Variants in KCNG1 observed in about 807,000 individuals in gnomAD.
KCNG1 encodes potassium voltage-gated channel modifier subfamily G member 1, also known as voltage-gated potassium channel regulatory subunit KCNG1.
In KCNG1, 17 loss-of-function variants were observed where a neutral mutation model predicts 32.4. The ratio of observed to expected loss-of-function variants is 0.52; its 90% CI spans 0.36 to 0.79. The LOEUF (loss-of-function observed/expected upper bound fraction) is 0.79, where lower values mean the gene tolerates loss of function less well. KCNG1 is among the 30% of genes least tolerant of loss of function. The probability of loss-of-function intolerance (pLI) is 0.00; values close to 1 mark genes in which losing one functional copy is unlikely to be tolerated. For synonymous variants in KCNG1, 358 were observed against 339.9 expected (o/e 1.05, Z -0.59); for missense variants, 441 against 735.2 (o/e 0.60, Z 4.63).
In KCNG1 at chr20:51,010,263, G is replaced by A; in HGVS notation, c.76C>T (p.Pro26Ser). The change falls in exon 2 of 3, where the codon CCG becomes TCG. Residue 26 changes from proline to serine, a missense_variant. Physicochemically the swap from Pro to Ser is moderately conservative, Grantham distance 74. This residue lies in a region of KCNG1 where 85 missense variants were observed against 98.2 expected (regional missense o/e 0.87). Transcript: ENST00000371571. ...LSCTSDASFH[P>S]AFLPQRQAIK... ...GCCTGGCGCTGCGGGAGGAAGGCCG[G>A]GTGGAAGGAGGCGTCCGAGGTGCAG... is the stretch of plus-strand genomic sequence containing the variant. The A allele has an allele frequency of 6.5e-7, 1 of 1,530,382 alleles. No individual in the cohort carries two copies. Among genetic ancestry groups the A allele is most frequent in the Non-Finnish European group, 8.7e-7 (1 of 1,147,892 alleles). The allele number at this position is 1,530,382 out of a possible 1,614,324, so 94.8% of individuals were successfully genotyped here.
intron 2 of KCNG1, chr20:51,006,864 C>T (rs960472058): frequency 8.5e-5 from 13 of 152,404 alleles, no homozygotes; most frequent in Admixed American, 7.2e-4. Flanking sequence ...TGCGAACTCA[C>T]TGAATCCTTG....
chr20:51,009,740 G>A lies in KCNG1; in HGVS notation c.599C>T (p.Ala200Val). The A allele has an allele frequency of 6.2e-7, 1 of 1,607,690 alleles. No individual in the cohort carries two copies. Residue 200 changes from alanine (A) to valine (V), a missense_variant, in exon 2 of 3, where the codon GCC becomes GTC. Around this residue, in one of 6 missense-constraint regions of KCNG1, gnomAD observed 52 missense variants for 50.3 expected, o/e 1.03. Coordinates refer to ENST00000371571, the MANE Select transcript of KCNG1 (RefSeq NM_002237.4). The part of the protein sequence containing the change: ...DSEGRDSEGP[A>V]EGEGRLGRCM... ...GCGCCCCAGGCGGCCCTCGCCCTCG[G>A]CCGGGCCCTCGCTGTCGCGGCCCTC...
intron 1 of KCNG1, among the ~76,000 whole-genome samples, chr20:51,012,735 G>A (rs1988139225): frequency 6.6e-6 from 1 of 152,126 alleles, no homozygotes; most frequent in South Asian, 2.1e-4. Flanking sequence ...CCATATCCTT[G>A]GCTTCTTTTA....
chr20:51,018,670 T>C lies in KCNG1; in HGVS notation c.-27+4200A>G, dbSNP rs148961468. On this transcript the variant is annotated intron_variant, in intron 1 of 2. Coordinates refer to ENST00000371571, the MANE Select transcript of KCNG1 (RefSeq NM_002237.4). ...TGCTGTGCTAGGAGCCTTCATTGCC[T>C]GAGTCTCCATCCTTTCCTAAAAAGG... is the stretch of plus-strand genomic sequence containing the variant. Among the ~76,000 whole-genome samples the C allele has an allele frequency of 5.1e-3, 773 of 152,370 alleles. 3 individuals are homozygous for C. The highest frequency in any genetic ancestry group is 7.8e-3 in the Admixed American group (119 of 15,308).
rs1378572618 is a variant in KCNG1 at position 51,015,393 on chromosome 20, A to G, written c.-26-5029T>C. Among the ~76,000 whole-genome samples, 1 of 152,094 alleles carries G rather than the reference A, an allele frequency of 6.6e-6. No homozygotes were observed. The highest frequency in any genetic ancestry group is 1.5e-5 in the Non-Finnish European group (1 of 67,996). Reference sequence around the variant, plus strand: ...GAAGAAGCAGCTGGCAAAATCCAGGAGAGAGGGGGGAGATGGGTGTCTCCC... The same window carrying G: ...GAAGAAGCAGCTGGCAAAATCCAGGGGAGAGGGGGGAGATGGGTGTCTCCC... On this transcript the variant is annotated intron_variant, in intron 1 of 2. Coordinates refer to ENST00000371571, the MANE Select transcript of KCNG1 (RefSeq NM_002237.4). This position sits in a 1 kb window ranked among gnomAD's most constrained non-coding sequence, Gnocchi z 4.4.
At chr20:51,019,418 G>A (rs1988390844) in intron 1 of KCNG1, among the ~76,000 whole-genome samples, 1 of 152,114 alleles carries the variant, frequency 6.6e-6, no homozygotes. Context: ...GGCTGAGGTG[G>A]GAGGATCACT....
chr20:51,005,586 A>G lies in KCNG1; in HGVS notation c.775-780T>C, dbSNP rs1987797693. On this transcript the variant is annotated intron_variant, in intron 2 of 2. Transcript: ENST00000371571. The surrounding 1 kb of genome is among the most constrained non-coding windows in gnomAD (Gnocchi z 4.0). ...CAAATGTTGGTGATAATGTTGGTTA[A>G]ATAGATAAAATGTTGATTTAAGTCC... The G allele has an allele frequency of 6.6e-6, 1 of 152,246 alleles. No individual in the cohort carries two copies. 9.4% of individuals were successfully genotyped at this position (152,246 alleles called of 1,614,324 possible).
At chr20:51,021,099 T>C (rs1017135876) in intron 1 of KCNG1, among the ~76,000 whole-genome samples, 1 of 152,248 alleles carries the variant, frequency 6.6e-6, no homozygotes, top group African/African-American at 2.4e-5. Flanking sequence ...ACCCAGGCTG[T>C]AGGCTGCGGG....
intron 1 of KCNG1, among the ~76,000 whole-genome samples, chr20:51,022,349 T>C (rs568844203): frequency 2.6e-5 from 4 of 152,256 alleles, no homozygotes; most frequent in African/African-American, 9.6e-5. Context: ...GTGAACTGTC[T>C]CAGTATCCCC....
intron 2 of KCNG1, 198 bp downstream of exon 2, chr20:51,009,366 AG>A (rs1987964143): frequency 1.5e-6 from 1 of 671,438 alleles, no homozygotes; most frequent in East Asian, 2.8e-5. Context: ...AGGCCAGGAC[AG>A]GCACAGGCGT....
chr20:51,020,520 T>C (rs1405465655), intron 1 of KCNG1, among the ~76,000 whole-genome samples: 2 of 152,230 alleles, frequency 1.3e-5, no homozygotes, highest in Non-Finnish European at 2.9e-5. Context: ...TGCTGGATGA[T>C]AAAAATGGTC....
intron 1 of KCNG1, among the ~76,000 whole-genome samples, chr20:51,018,202 C>T (rs1024253290): frequency 6.6e-6 from 1 of 152,142 alleles, no homozygotes. Flanking sequence ...CATGGCTAGT[C>T]GTCCCTGCTG....
At chr20:51,020,769 C>T in intron 1 of KCNG1, among the ~76,000 whole-genome samples, 1 of 152,186 alleles carries the variant, frequency 6.6e-6, no homozygotes, top group East Asian at 1.9e-4. Flanking sequence ...ACTGCGGCTC[C>T]AGGAGGTGAG....
chr20:51,016,731 G>T (rs920640213), intron 1 of KCNG1, among the ~76,000 whole-genome samples: 1 of 152,218 alleles, frequency 6.6e-6, no homozygotes, highest in Admixed American at 6.5e-5. Flanking sequence ...CATGCCTGAC[G>T]CTGAGTGAAC....
chr20:51,009,200 T>C (rs187998397), intron 2 of KCNG1, among the ~76,000 whole-genome samples: 2 of 152,310 alleles, frequency 1.3e-5, no homozygotes, highest in Admixed American at 6.5e-5. Context: ...TTTGATGATA[T>C]ATGTAATGTG....
intron 2 of KCNG1, chr20:51,007,188 A>ATT (rs1367104084): frequency 4.8e-5 from 7 of 145,314 alleles, no homozygotes; most frequent in Non-Finnish European, 9.1e-5. Context: ...CCATCTCTAA[A>ATT]TTTTTTTTTT....
Position 51,010,206 on chromosome 20 carries a change from G to C in KCNG1, c.133C>G (p.Arg45Gly). 1 of 1,585,008 alleles carries C rather than the reference G, an allele frequency of 6.3e-7. No homozygotes were observed. Among genetic ancestry groups the C allele is most frequent in the South Asian group, 1.1e-5 (1 of 87,834 alleles). The change falls in exon 2 of 3, where the codon CGG becomes GGG. Residue 45 changes from arginine (R) to glycine (G), a missense_variant. By Grantham distance (125) the Arg-to-Gly change is moderately radical. This residue lies in a region of KCNG1 where 85 missense variants were observed against 98.2 expected (regional missense o/e 0.87). Coordinates refer to ENST00000371571, the MANE Select transcript of KCNG1 (RefSeq NM_002237.4). ...CGGGGCTCATCCTGCGGCCGCAGCC[G>C]CTGCGCCCGGCGGTAGAACGCGCCC... ...IKGAFYRRAQ[R>G]LRPQDEPRQG...
At position 51,004,686 on chromosome 20, in the gene KCNG1, T is replaced by A. The variant is rs775298334; in HGVS notation, c.895A>T (p.Ser299Cys). 7 of 1,601,716 alleles carry A rather than the reference T, an allele frequency of 4.4e-6. No individual in the cohort carries two copies. The highest frequency in any genetic ancestry group is 6.0e-6 in the Non-Finnish European group (7 of 1,174,268). ...ACCAGGTCGATCAGCGTCAGCGGGC[T>A]CCGCAGGAAGGCGAACTTGCTGGGC... ...QAPSKFAFLRSPLTLIDLVAI... is the reference protein window; with the variant it reads ...QAPSKFAFLRCPLTLIDLVAI... Residue 299 changes from serine to cysteine, a missense_variant, in exon 3 of 3, where the codon AGC becomes TGC. Ser to Cys is a moderately radical substitution (Grantham distance 112). Coordinates refer to ENST00000371571, the MANE Select transcript of KCNG1 (RefSeq NM_002237.4). The surrounding 1 kb of genome is among the most constrained non-coding windows in gnomAD (Gnocchi z 4.3).
chr20:51,003,830 G>A lies in KCNG1; in HGVS notation c.*209C>T, dbSNP rs923754179. 3.5e-6 allele frequency: 2 copies of A among 573,468 alleles called. No individual in the cohort carries two copies. Among genetic ancestry groups the A allele is most frequent in the East Asian group, 3.0e-5 (1 of 33,620 alleles). 35.5% of individuals were successfully genotyped at this position (573,468 alleles called of 1,614,324 possible). A position where few individuals can be genotyped will look rare whatever the true frequency, so the allele number is the denominator to read the frequency against. ...GGCTGATGACCCAGCTTCCTTTCAC[G>A]GCTGCAGGCGGAGGGGCAGGGCCCC... On this transcript the variant is annotated 3_prime_UTR_variant, in exon 3 of 3. Coordinates refer to ENST00000371571, the MANE Select transcript of KCNG1 (RefSeq NM_002237.4).
Sources: allele counts gnomAD v4.1 joint callset (sites outside exome capture counted in the v4.1 genomes callset), GRCh38; gene constraint gnomAD v4.1.1; regional missense constraint gnomAD v4.1.1; non-coding constraint Gnocchi (gnomAD v3.1); transcripts MANE v1.5; gene names NCBI Gene and HGNC (gene_info 2026-07-23, HGNC 2026-07-21).